ENTREP1: variants seen among roughly 807,000 people sequenced by gnomAD.
ENTREP1 encodes the protein endosomal transmembrane epsin interactor 1.
At chr9:69,346,364 C>T in the ENTREP1 span, among the ~76,000 whole-genome samples, 2 of 151,992 alleles carry the variant, frequency 1.3e-5, no homozygotes, top group Non-Finnish European at 2.9e-5. Context: ...ATTTGCCACA[C>T]GTATGTTAAC....
the ENTREP1 span, among the ~76,000 whole-genome samples, chr9:69,335,389 C>T: frequency 6.6e-6 from 1 of 152,144 alleles, no homozygotes; most frequent in Non-Finnish European, 1.5e-5. Context: ...TAAATGGGGC[C>T]TTGCAGGATG....
chr9:69,344,574 G>T, the ENTREP1 span, among the ~76,000 whole-genome samples: 8 of 152,264 alleles, frequency 5.3e-5, no homozygotes, highest in East Asian at 1.5e-3. Flanking sequence ...GTGTGTCTTG[G>T]TGAGCAGTGG....
the ENTREP1 span, chr9:69,386,044 A>G: frequency 2.6e-6 from 3 of 1,163,054 alleles, no homozygotes; most frequent in South Asian, 8.1e-5. Flanking sequence ...AGGACCCTGC[A>G]GTTTAAGTGG....
chr9:69,382,327 C>G, the ENTREP1 span: 17 of 152,282 alleles, frequency 1.1e-4, no homozygotes, highest in South Asian at 3.1e-3. Context: ...GAATGAAGCC[C>G]GTTGGCAAGT....
the ENTREP1 span, among the ~76,000 whole-genome samples, chr9:69,367,515 T>A: frequency 6.7e-6 from 1 of 150,094 alleles, no homozygotes; most frequent in East Asian, 1.9e-4. Flanking sequence ...TTTATTTTTG[T>A]CTTCTTTCAT....
chr9:69,360,348 A>ACATTT, the ENTREP1 span, among the ~76,000 whole-genome samples: 1 of 152,162 alleles, frequency 6.6e-6, no homozygotes, highest in Non-Finnish European at 1.5e-5. Context: ...TTTCTCTGTT[A>ACATTT]CATTTCGCCC....
At chr9:69,369,805 C>T in the ENTREP1 span, among the ~76,000 whole-genome samples, 1 of 152,054 alleles carries the variant, frequency 6.6e-6, no homozygotes, top group Non-Finnish European at 1.5e-5. Flanking sequence ...TATTTGAAGA[C>T]CTTTACATGT....
the ENTREP1 span, chr9:69,383,557 G>A: frequency 5.0e-6 from 8 of 1,593,268 alleles, no homozygotes; most frequent in South Asian, 9.2e-5. Context: ...AGCAAAGCCA[G>A]TATCCGGGCA....
the ENTREP1 span, among the ~76,000 whole-genome samples, chr9:69,335,332 G>A: frequency 4.6e-5 from 7 of 152,210 alleles, no homozygotes; most frequent in African/African-American, 1.7e-4. Context: ...GCTTCCATGA[G>A]TGTGGAGCGG....
chr9:69,371,327 A>G, the ENTREP1 span: 2 of 687,534 alleles, frequency 2.9e-6, no homozygotes, highest in Non-Finnish European at 2.6e-6. Context: ...CCTCAGCACA[A>G]TTTTAAGAAG....
the ENTREP1 span, chr9:69,375,709 ATT>A: frequency 1.3e-6 from 2 of 1,511,466 alleles, no homozygotes; most frequent in Non-Finnish European, 1.8e-6. Flanking sequence ...TAATTAAAGT[ATT>A]TTTTTTTACC....
chr9:69,362,106 C>G, the ENTREP1 span, among the ~76,000 whole-genome samples: 1 of 152,036 alleles, frequency 6.6e-6, no homozygotes, highest in Admixed American at 6.6e-5. Context: ...GTTACTGGAA[C>G]TATTTATTTA....
At chr9:69,348,884 C>G in the ENTREP1 span, among the ~76,000 whole-genome samples, 1 of 151,926 alleles carries the variant, frequency 6.6e-6, no homozygotes, top group African/African-American at 2.4e-5. Context: ...TCCACTTTGG[C>G]TATTAGGAAT....
At chr9:69,327,123 A>G in the ENTREP1 span, among the ~76,000 whole-genome samples, 3 of 152,188 alleles carry the variant, frequency 2.0e-5, no homozygotes, top group Non-Finnish European at 4.4e-5. Flanking sequence ...TACTTCATCC[A>G]GTGTCAGTTT....
the ENTREP1 span, among the ~76,000 whole-genome samples, chr9:69,375,011 G>T: frequency 1.3e-5 from 2 of 152,166 alleles, 1 homozygote; most frequent in Non-Finnish European, 2.9e-5. Context: ...AAAATTAATT[G>T]GTATTCGTGA....
chr9:69,329,570 T>C, the ENTREP1 span: 1 of 985,312 alleles, frequency 1.0e-6, no homozygotes, highest in Non-Finnish European at 1.2e-6. Context: ...GTAGTCTGTG[T>C]TTTTGAGCAC....
the ENTREP1 span, among the ~76,000 whole-genome samples, chr9:69,355,599 C>T: frequency 2.0e-5 from 3 of 152,164 alleles, no homozygotes; most frequent in African/African-American, 7.2e-5. Context: ...GCATAACAAA[C>T]CACCCCAAAA....
At chr9:69,371,146 T>C in the ENTREP1 span, 4 of 321,156 alleles carry the variant, frequency 1.2e-5, no homozygotes, top group South Asian at 1.1e-4. Flanking sequence ...TATTTGTTTA[T>C]TTGCTGCTGA....
the ENTREP1 span, chr9:69,336,180 A>G: frequency 1.6e-6 from 2 of 1,230,792 alleles, no homozygotes; most frequent in Admixed American, 2.2e-5. Flanking sequence ...GAATTGGTCC[A>G]TTTTCTATAT....
Sources: allele counts gnomAD v4.1 joint callset (sites outside exome capture counted in the v4.1 genomes callset), GRCh38; gene constraint gnomAD v4.1.1; transcripts MANE v1.5; gene names NCBI Gene and HGNC (gene_info 2026-07-23, HGNC 2026-07-21).